Variants in CINP observed in about 807,000 individuals in gnomAD.
CINP encodes cyclin dependent kinase 2 interacting protein, also known as cyclin-dependent kinase 2-interacting protein.
A neutral mutation model predicts 20.5 loss-of-function variants in CINP; 11 were observed. The ratio of observed to expected loss-of-function variants is 0.54; its 90% confidence interval spans 0.34 to 0.89. The LOEUF is 0.89. Ranked by LOEUF, CINP falls within the 40% of genes least tolerant of loss-of-function variation. The pLI, the probability that CINP is intolerant of heterozygous loss-of-function variation, is 0.02. For synonymous variants in CINP, 108 were observed against 102.1 expected, an observed-to-expected ratio of 1.06 and a Z score of -0.35; for missense variants, 213 against 251.0, an observed-to-expected ratio of 0.85 and a Z score of 1.02.
chr14:102,349,879 C>T (rs747702704), intron 4 of CINP, 40 bp downstream of exon 4: 2 of 1,611,822 alleles, frequency 1.2e-6, no homozygotes, highest in Non-Finnish European at 1.7e-6. Context: ...CCTTAATAAC[C>T]TTTACCCTCC....
chr14:102,358,356 T>C (rs1339923558), intron 2 of CINP, among the ~76,000 whole-genome samples: 1 of 152,262 alleles, frequency 6.6e-6, no homozygotes. Flanking sequence ...ATAGTGGCTC[T>C]ACATTACACG....
chr14:102,353,299 G>A (rs1442098017), intron 3 of CINP, among the ~76,000 whole-genome samples: 1 of 152,298 alleles, frequency 6.6e-6, no homozygotes, highest in Non-Finnish European at 1.5e-5. Flanking sequence ...AGAGCACAGC[G>A]TGGGAGGAGG....
At position 102,348,310 on chromosome 14, in the gene CINP, CTG is replaced by C; in HGVS notation, c.*245_*246del. On this transcript the variant is annotated 3_prime_UTR_variant, in exon 5 of 5. Transcript: ENST00000216756. ...TGCTCAGAAACTCATTGATTTTACT[CTG>C]AAGCACCCACGAATGACAGATTCCC... 1 of 536,976 alleles carries C rather than the reference CTG, an allele frequency of 1.9e-6. No homozygotes were observed. The highest frequency in any genetic ancestry group is 2.4e-5 in the South Asian group (1 of 40,902). 33.3% of individuals were successfully genotyped at this position (536,976 alleles called of 1,614,324 possible). A position where few individuals can be genotyped will look rare whatever the true frequency, so the allele number is the denominator to read the frequency against.
chr14:102,355,746 G>T, intron 3 of CINP, 22 bp downstream of exon 3: 1 of 1,612,780 alleles, frequency 6.2e-7, no homozygotes, highest in South Asian at 1.1e-5. Context: ...GACCACAAGT[G>T]GCCTGCGTCT....
chr14:102,352,260 C>CT (rs1373434698), intron 3 of CINP, among the ~76,000 whole-genome samples: 1 of 152,204 alleles, frequency 6.6e-6, no homozygotes, highest in Non-Finnish European at 1.5e-5. Context: ...CCACCTGATT[C>CT]TAAGAAAAGC....
intron 2 of CINP, among the ~76,000 whole-genome samples, chr14:102,356,357 T>C (rs1886997766): frequency 6.6e-6 from 1 of 151,118 alleles, no homozygotes; most frequent in Admixed American, 6.6e-5. Context: ...AAGTCAAGGC[T>C]GCAGTGAGCC....
At chr14:102,358,180 A>G (rs1887040832) in intron 2 of CINP, among the ~76,000 whole-genome samples, 1 of 152,222 alleles carries the variant, frequency 6.6e-6, no homozygotes, top group African/African-American at 2.4e-5. Flanking sequence ...ATGAGCAAAG[A>G]AGGTGGTTTC....
intron 2 of CINP, among the ~76,000 whole-genome samples, chr14:102,359,131 G>C (rs1567306714): frequency 1.3e-5 from 2 of 151,006 alleles, no homozygotes; most frequent in Non-Finnish European, 2.9e-5. Context: ...AACCCAGGCG[G>C]TAGAGGTTGC....
chr14:102,357,239 G>A (rs1745257676), intron 2 of CINP, among the ~76,000 whole-genome samples: 1 of 152,022 alleles, frequency 6.6e-6, no homozygotes, highest in Non-Finnish European at 1.5e-5. Context: ...GAAATTAGCT[G>A]GGCGTGGCGG....
chr14:102,357,774 T>C (rs1490627451), intron 2 of CINP, among the ~76,000 whole-genome samples: 1 of 152,220 alleles, frequency 6.6e-6, no homozygotes, highest in Non-Finnish European at 1.5e-5. Flanking sequence ...AGCGCTAATG[T>C]AGAAGCTGGA....
intron 1 of CINP, among the ~76,000 whole-genome samples, chr14:102,361,192 G>A (rs1432865085): frequency 6.6e-6 from 1 of 152,098 alleles, no homozygotes; most frequent in Non-Finnish European, 1.5e-5. Context: ...AGTAGTATGT[G>A]CCCTAATTAT....
intron 1 of CINP, among the ~76,000 whole-genome samples, chr14:102,361,736 ATTACTT>A (rs1887166438): frequency 6.6e-6 from 1 of 152,262 alleles, no homozygotes; most frequent in Non-Finnish European, 1.5e-5. Context: ...AGATTTTGCC[ATTACTT>A]TTAACAGCCA....
intron 1 of CINP, among the ~76,000 whole-genome samples, chr14:102,359,978 T>C (rs1301869721): frequency 6.6e-6 from 1 of 152,168 alleles, no homozygotes; most frequent in Non-Finnish European, 1.5e-5. Context: ...CTATCTAGTC[T>C]CAGGCACTCT....
Position 102,348,443 on chromosome 14 carries a change from A to G in CINP, c.*114T>C. 1 of 847,096 alleles carries G rather than the reference A, an allele frequency of 1.2e-6. No homozygotes were observed. The allele number at this position is 847,096 out of a possible 1,614,324, so 52.5% of individuals were successfully genotyped here. ...GGGCTGGTGACAAGCTCTGGCCAGA[A>G]GACCCCAAGGTCTGATCCTGGGGTC... On this transcript the variant is annotated 3_prime_UTR_variant, in exon 5 of 5. Coordinates refer to ENST00000216756, the MANE Select transcript of CINP (RefSeq NM_032630.3).
At chr14:102,357,963 T>G (rs527618882) in intron 2 of CINP, among the ~76,000 whole-genome samples, 8 of 152,326 alleles carry the variant, frequency 5.3e-5, no homozygotes, top group Middle Eastern at 3.4e-3. Context: ...ACCCTCTTAT[T>G]AGGGGATATT....
At chr14:102,356,697 T>C (rs993971977) in intron 2 of CINP, among the ~76,000 whole-genome samples, 3 of 152,228 alleles carry the variant, frequency 2.0e-5, no homozygotes, top group Admixed American at 2.0e-4. Context: ...CATATTTTGG[T>C]AATTCTTACA....
chr14:102,349,010 T>A (rs1311181310), intron 4 of CINP, among the ~76,000 whole-genome samples: 1 of 152,186 alleles, frequency 6.6e-6, no homozygotes, highest in Non-Finnish European at 1.5e-5. Flanking sequence ...CCCAGCACTT[T>A]GGGAGGCCCA....
At chr14:102,357,029 G>C (rs1434490374) in intron 2 of CINP, among the ~76,000 whole-genome samples, 5 of 152,056 alleles carry the variant, frequency 3.3e-5, no homozygotes, top group Non-Finnish European at 7.4e-5. Context: ...GCCAATTTAA[G>C]AAACAAAAAA....
chr14:102,356,822 A>C (rs1462298933), intron 2 of CINP, among the ~76,000 whole-genome samples: 2 of 152,164 alleles, frequency 1.3e-5, no homozygotes, highest in Non-Finnish European at 2.9e-5. Context: ...CGGCAAGCTT[A>C]ATGAATGGAT....
Sources: gnomAD v4.1 joint callset for allele counts (sites outside exome capture counted in the v4.1 genomes callset) on GRCh38, gnomAD v4.1.1 for gene constraint, MANE v1.5 for transcripts, NCBI Gene and HGNC (gene_info 2026-07-23, HGNC 2026-07-21) for gene names.